Variants in INTS15 observed in about 807,000 individuals in gnomAD.
INTS15 encodes the protein integrator complex subunit 15.
At chr7:6,605,309 T>G in the INTS15 span, among the ~76,000 whole-genome samples, 1 of 152,106 alleles carries the variant, frequency 6.6e-6, no homozygotes, top group Non-Finnish European at 1.5e-5. Flanking sequence ...TTTTTTGGTC[T>G]GGGTTCTAGA....
the INTS15 span, among the ~76,000 whole-genome samples, chr7:6,592,105 AG>A: frequency 1.3e-5 from 2 of 151,764 alleles, no homozygotes; most frequent in African/African-American, 4.8e-5. Context: ...CGGGAGGCAG[AG>A]GTTGCAGTGA....
chr7:6,592,873 G>C, the INTS15 span, among the ~76,000 whole-genome samples: 1 of 151,980 alleles, frequency 6.6e-6, no homozygotes, highest in Non-Finnish European at 1.5e-5. Flanking sequence ...GCCTCCCAAA[G>C]TGCCGGGATT....
the INTS15 span, among the ~76,000 whole-genome samples, chr7:6,606,862 C>T: frequency 6.6e-6 from 1 of 152,066 alleles, no homozygotes; most frequent in Non-Finnish European, 1.5e-5. Context: ...TGCACCACCA[C>T]GCCCAGCTAA....
At chr7:6,595,422 C>T in the INTS15 span, among the ~76,000 whole-genome samples, 1 of 152,158 alleles carries the variant, frequency 6.6e-6, no homozygotes, top group Non-Finnish European at 1.5e-5. Context: ...CCTCGGCCTC[C>T]TAAAGTGTCG....
At chr7:6,599,488 G>A in the INTS15 span, among the ~76,000 whole-genome samples, 1 of 152,222 alleles carries the variant, frequency 6.6e-6, no homozygotes, top group Non-Finnish European at 1.5e-5. Context: ...GGCAGTGTGG[G>A]ATAGAAAAAC....
chr7:6,604,249 G>A, the INTS15 span, among the ~76,000 whole-genome samples: 1 of 152,044 alleles, frequency 6.6e-6, no homozygotes, highest in Non-Finnish European at 1.5e-5. Flanking sequence ...GCTGATTTTT[G>A]TATGCACAAA....
chr7:6,594,713 T>C, the INTS15 span: 1 of 981,982 alleles, frequency 1.0e-6, no homozygotes, highest in Non-Finnish European at 1.5e-6. Flanking sequence ...GTTTTGTCTC[T>C]GAAATGTATA....
the INTS15 span, among the ~76,000 whole-genome samples, chr7:6,605,484 A>T: frequency 6.6e-6 from 1 of 152,126 alleles, no homozygotes; most frequent in African/African-American, 2.4e-5. Flanking sequence ...CCTGTGTATC[A>T]TCCGAGTCTT....
the INTS15 span, among the ~76,000 whole-genome samples, chr7:6,591,340 C>T: frequency 4.0e-5 from 6 of 149,636 alleles, no homozygotes; most frequent in South Asian, 2.1e-4. Flanking sequence ...GATCTCGGCT[C>T]ACTGCAACCT....
the INTS15 span, among the ~76,000 whole-genome samples, chr7:6,598,735 T>TTATGTGTGTG: frequency 1.2e-5 from 1 of 83,618 alleles, no homozygotes; most frequent in African/African-American, 5.1e-5. Context: ...GCTGTATGCT[T>TTATGTGTGTG]TGTGTGTGTG....
chr7:6,591,064 C>T, the INTS15 span, among the ~76,000 whole-genome samples: 1 of 147,604 alleles, frequency 6.8e-6, no homozygotes, highest in Non-Finnish European at 1.5e-5. Flanking sequence ...GTCTCAAACT[C>T]CTGGGCTCAA....
chr7:6,601,683 G>T, the INTS15 span, among the ~76,000 whole-genome samples: 2 of 150,378 alleles, frequency 1.3e-5, no homozygotes, highest in Non-Finnish European at 3.0e-5. Context: ...TCGAGACAGG[G>T]TCTCACTCTG....
At chr7:6,605,768 G>A in the INTS15 span, among the ~76,000 whole-genome samples, 1 of 151,530 alleles carries the variant, frequency 6.6e-6, no homozygotes, top group African/African-American at 2.4e-5. Context: ...GTGTGATCTC[G>A]GCTCACTGCA....
chr7:6,593,969 T>A, the INTS15 span, among the ~76,000 whole-genome samples: 1 of 149,978 alleles, frequency 6.7e-6, no homozygotes, highest in African/African-American at 2.5e-5. Flanking sequence ...GAGCTTCAGA[T>A]TGCCCACCCC....
At chr7:6,606,441 A>G in the INTS15 span, among the ~76,000 whole-genome samples, 82 of 152,164 alleles carry the variant, frequency 5.4e-4, no homozygotes, top group African/African-American at 1.8e-3. Flanking sequence ...CCCAGTTAGG[A>G]TAATATGCAG....
At chr7:6,591,313 C>T in the INTS15 span, among the ~76,000 whole-genome samples, 1 of 147,834 alleles carries the variant, frequency 6.8e-6, no homozygotes, top group Non-Finnish European at 1.5e-5. Flanking sequence ...TGTCACCAGG[C>T]TGGAGTGCAG....
chr7:6,592,061 C>T, the INTS15 span, among the ~76,000 whole-genome samples: 1 of 151,980 alleles, frequency 6.6e-6, no homozygotes, highest in East Asian at 1.9e-4. Context: ...ACCCCAGCTA[C>T]TCAGGAGGCT....
At chr7:6,593,173 C>A in the INTS15 span, among the ~76,000 whole-genome samples, 1 of 152,186 alleles carries the variant, frequency 6.6e-6, no homozygotes. Flanking sequence ...CTGTCTTCGG[C>A]TTTGCGGGTC....
chr7:6,608,033 C>A, the INTS15 span: 3 of 1,599,960 alleles, frequency 1.9e-6, no homozygotes, highest in Admixed American at 3.3e-5. Flanking sequence ...GTTCTACCCC[C>A]ACATCCACAC....
Sources: allele counts gnomAD v4.1 joint callset (sites outside exome capture counted in the v4.1 genomes callset), GRCh38; gene constraint gnomAD v4.1.1; transcripts MANE v1.5; gene names NCBI Gene and HGNC (gene_info 2026-07-23, HGNC 2026-07-21).